DNHD1: variants seen among roughly 807,000 people sequenced by gnomAD.
DNHD1 encodes the protein dynein heavy chain domain 1, also known as dynein heavy chain domain-containing protein 1.
In DNHD1, 383 loss-of-function variants were observed where a neutral mutation model predicts 458.1. That is an observed-to-expected ratio of 0.84 (90% CI 0.77 to 0.91). DNHD1 has a LOEUF of 0.91. Among genes scored for constraint, DNHD1 ranks in the 40% least tolerant of loss-of-function variants. The probability of loss-of-function intolerance (pLI) is 0.00; values close to 1 mark genes in which losing one functional copy is unlikely to be tolerated. For synonymous variants in DNHD1, 2,203 were observed against 2,376.9 expected (o/e 0.93, Z 2.13); for missense variants, 5,336 against 5,866.1 (o/e 0.91, Z 2.95).
In DNHD1 at chr11:6,563,023, C is replaced by G; in HGVS notation, c.9561C>G (p.Leu3187=). The G allele has an allele frequency of 1.3e-6, 2 of 1,551,692 alleles. No homozygotes were observed. Among genetic ancestry groups the G allele is most frequent in the East Asian group, 2.4e-5 (1 of 40,918 alleles). ...MFQQQLEQSK[L]LYKQQLEECR... ...AGCAGCAGCTAGAGCAAAGCAAGCT[C>G]CTATACAAGCAGCAGCTGGAAGAGT... The change falls in exon 29 of 43, where the codon CTC becomes CTG. Residue 3187 remains leucine, a synonymous_variant. Coordinates refer to ENST00000254579, the MANE Select transcript of DNHD1 (RefSeq NM_144666.3).
intron 24 of DNHD1, among the ~76,000 whole-genome samples, chr11:6,556,052 C>G (rs1853456035): frequency 6.6e-6 from 1 of 152,160 alleles, no homozygotes; most frequent in African/African-American, 2.4e-5. Context: ...GCGATCAGGG[C>G]TCACTCAAGC....
chr11:6,545,468 G>A lies in DNHD1; in HGVS notation c.4529G>A (p.Cys1510Tyr), dbSNP rs1402170581. 3.9e-6 allele frequency: 6 copies of A among 1,551,772 alleles called. No individual in the cohort carries two copies. Among genetic ancestry groups the A allele is most frequent in the African/African-American group, 2.7e-5 (2 of 73,078 alleles). Residue 1510 changes from cysteine to tyrosine, a missense_variant, in exon 21 of 43, where the codon TGT becomes TAT. Coordinates refer to ENST00000254579, the MANE Select transcript of DNHD1 (RefSeq NM_144666.3). The surrounding 1 kb of genome is among the most constrained non-coding windows in gnomAD (Gnocchi z 4.9). ...IDLVQAFPWQ[C>Y]VLVAEEVVWR... Reference sequence around the variant, plus strand: ...TTAGTCCAGGCCTTCCCATGGCAGTGTGTGCTGGTGGCAGAGGAGGTGGTA... The same window carrying A: ...TTAGTCCAGGCCTTCCCATGGCAGTATGTGCTGGTGGCAGAGGAGGTGGTA...
intron 4 of DNHD1, among the ~76,000 whole-genome samples, chr11:6,507,602 C>T (rs574399584): frequency 6.6e-6 from 1 of 152,180 alleles, no homozygotes; most frequent in South Asian, 2.1e-4. Context: ...CCTGGCCCTA[C>T]ACAGAAACAG....
chr11:6,556,941 G>A lies in DNHD1; in HGVS notation c.7646G>A (p.Arg2549His), dbSNP rs563629513. Reference protein sequence around the residue: ...HVPIIQAWLERFPSVERERAL... With the variant: ...HVPIIQAWLEHFPSVERERAL... ...CCTATCATTCAGGCTTGGCTTGAGCGTTTCCCTTCTGTGGAACGGGAGCGT... is the reference window on the plus strand; with the variant it reads ...CCTATCATTCAGGCTTGGCTTGAGCATTTCCCTTCTGTGGAACGGGAGCGT... Residue 2549 changes from arginine (R) to histidine (H), a missense_variant, in exon 25 of 43, where the codon CGT becomes CAT. By Grantham distance (29) the Arg-to-His change is conservative. Transcript: ENST00000254579. 346 of 1,551,706 alleles carry A rather than the reference G, an allele frequency of 2.2e-4. No homozygotes were observed. The highest frequency in any genetic ancestry group is 2.0e-3 in the Admixed American group (100 of 51,006).
chr11:6,569,911 C>G (rs1390475412), intron 39 of DNHD1, 98 bp from the exon 40 acceptor site: 7 of 1,005,606 alleles, frequency 7.0e-6, no homozygotes, highest in African/African-American at 4.8e-5. Flanking sequence ...GGCAATGAAC[C>G]CGAAGCTCAG....
Position 6,565,387 on chromosome 11 carries a change from A to G in DNHD1, c.10757-308A>G, listed in dbSNP as rs75326657. 1.1e-4 allele frequency among the ~76,000 whole-genome samples: 17 copies of G among 152,366 alleles called. No homozygotes were observed. The East Asian group carries it at 2.9e-3, about 26-fold the overall frequency. The stretch of plus-strand genomic sequence containing the variant: ...GGCTATGTGAAGACAGAGGATGAAT[A>G]GGATCCCTCCCTGGAATTTTAGAGT... On this transcript the variant is annotated intron_variant, in intron 32 of 42. Transcript: ENST00000254579.
chr11:6,532,570 C>T (rs1852848036), intron 12 of DNHD1, among the ~76,000 whole-genome samples: 1 of 152,200 alleles, frequency 6.6e-6, no homozygotes. Context: ...CATTTCCATA[C>T]TGTTGCACAC....
In DNHD1 at chr11:6,570,074, C is replaced by T. The variant is rs201140644; in HGVS notation, c.12929C>T (p.Pro4310Leu). 9.3e-6 allele frequency: 15 copies of T among 1,613,940 alleles called. No individual in the cohort carries two copies. Among genetic ancestry groups the T allele is most frequent in the African/African-American group, 2.7e-5 (2 of 75,016 alleles). Residue 4310 changes from proline to leucine, a missense_variant, in exon 40 of 43, where the codon CCC (proline) becomes CTC (leucine). Around this residue, in one of 4 missense-constraint regions of DNHD1, gnomAD observed 698 missense variants for 664.9 expected, o/e 1.05. Coordinates refer to ENST00000254579, the MANE Select transcript of DNHD1 (RefSeq NM_144666.3). ...QDQLWASLSN[P>L]RAAMQELAAS... ...CAGCTGTGGGCAAGTCTTAGCAATCCCCGTGCTGCCATGCAAGAGCTGGCT... is the reference window on the plus strand; with the variant it reads ...CAGCTGTGGGCAAGTCTTAGCAATCTCCGTGCTGCCATGCAAGAGCTGGCT...
At chr11:6,520,554 C>G (rs1177952003) in intron 10 of DNHD1, 5 of 1,290,672 alleles carry the variant, frequency 3.9e-6, no homozygotes, top group African/African-American at 1.5e-5. Flanking sequence ...TCCTTCCAAA[C>G]CTGATTCATC....
At chr11:6,516,008 G>C (rs1292426669) in intron 7 of DNHD1, among the ~76,000 whole-genome samples, 3 of 151,540 alleles carry the variant, frequency 2.0e-5, no homozygotes, top group Middle Eastern at 3.4e-3. Context: ...GGCTGGTCTC[G>C]AACTCCAAGC....
chr11:6,545,493 A>G lies in DNHD1; in HGVS notation c.4554A>G (p.Val1518=). ...GTGTGCTGGTGGCAGAGGAGGTGGT[A>G]TGGCGGGCCGAGATGGAGGAGGCTC... ...WQCVLVAEEV[V]WRAEMEEALL... The change falls in exon 21 of 43, where the codon GTA becomes GTG. Residue 1518 remains valine (V), a synonymous_variant. Transcript: ENST00000254579. The surrounding 1 kb of genome is among the most constrained non-coding windows in gnomAD (Gnocchi z 4.9). 1 of 1,551,676 alleles carries G rather than the reference A, an allele frequency of 6.4e-7. No homozygotes were observed. The highest frequency in any genetic ancestry group is 8.7e-7 in the Non-Finnish European group (1 of 1,146,980).
chr11:6,540,180 C>A, intron 18 of DNHD1, 97 bp downstream of exon 18: 1 of 1,103,130 alleles, frequency 9.1e-7, no homozygotes, highest in Non-Finnish European at 1.3e-6. Context: ...ATTCTCTAGC[C>A]AGGGCCCCAT....
At chr11:6,563,224 A>G in intron 29 of DNHD1, 93 bp downstream of exon 29, 1 of 1,536,854 alleles carries the variant, frequency 6.5e-7, no homozygotes, top group South Asian at 1.2e-5. Context: ...GGAGTGACTC[A>G]TCATGGAATC....
chr11:6,515,372 A>G (rs1377320280), intron 7 of DNHD1, among the ~76,000 whole-genome samples: 3 of 152,188 alleles, frequency 2.0e-5, no homozygotes, highest in Non-Finnish European at 4.4e-5. Flanking sequence ...CTTTATTACT[A>G]TATTTTTTCG....
At chr11:6,533,441 A>T (rs749702177) in intron 13 of DNHD1, among the ~76,000 whole-genome samples, 7 of 152,222 alleles carry the variant, frequency 4.6e-5, no homozygotes, top group African/African-American at 1.4e-4. Context: ...TTGCCTTGTC[A>T]TCAAGGTAAT....
chr11:6,566,307 A>C lies in DNHD1; in HGVS notation c.11120A>C (p.Gln3707Pro). ...LGCEELQWLL[Q>P]REQLSPPQVQ... ...TGCGAAGAACTGCAATGGCTGCTGCAACGGGAGCAGCTGAGTCCACCCCAG... is the reference window on the plus strand; with the variant it reads ...TGCGAAGAACTGCAATGGCTGCTGCCACGGGAGCAGCTGAGTCCACCCCAG... The change falls in exon 34 of 43, where the codon CAA (glutamine) becomes CCA (proline). Residue 3707 changes from glutamine to proline, a missense_variant. Gln to Pro is a moderately conservative substitution (Grantham distance 76). Around this residue, in one of 4 missense-constraint regions of DNHD1, gnomAD observed 695 missense variants for 804.2 expected, o/e 0.86. Coordinates refer to ENST00000254579, the MANE Select transcript of DNHD1 (RefSeq NM_144666.3). The C allele has an allele frequency of 1.9e-6, 3 of 1,551,982 alleles. No homozygotes were observed. In the South Asian group the frequency reaches 3.6e-5, roughly 18 times the overall value.
In DNHD1 at chr11:6,521,600, G is replaced by A. The variant is rs573171256; in HGVS notation, c.1837+1311G>A. On this transcript the variant is annotated intron_variant, in intron 10 of 42. Transcript: ENST00000254579. ...GCAATGTGACAAAATGTTAATAATT[G>A]TTGAATCTAAGTAGATGGATAAGGG... Among the ~76,000 whole-genome samples, 4 of 152,258 alleles carry A rather than the reference G, an allele frequency of 2.6e-5. 1 individual carries two copies. The highest frequency in any genetic ancestry group is 9.6e-5 in the African/African-American group (4 of 41,540).
intron 4 of DNHD1, among the ~76,000 whole-genome samples, chr11:6,504,899 G>C (rs968666617): frequency 1.3e-5 from 2 of 152,114 alleles, no homozygotes; most frequent in Non-Finnish European, 2.9e-5. Context: ...GGCTTGAACA[G>C]AGCTTGCTGT....
Position 6,559,005 on chromosome 11 carries a change from T to C in DNHD1, c.9315T>C (p.Pro3105=). ...CCCACTACCATGAGCACCTGTGCCC[T>C]GCATTGCCACTCGTCACCCCCAAGA... ...SATHYHEHLC[P]ALPLVTPKTF... is the part of the protein sequence containing the mutation. Residue 3105 remains proline, a synonymous_variant, in exon 27 of 43, where the codon CCT becomes CCC. Coordinates refer to ENST00000254579, the MANE Select transcript of DNHD1 (RefSeq NM_144666.3). 6.4e-7 allele frequency: 1 copy of C among 1,551,740 alleles called. No homozygotes were observed. Among genetic ancestry groups the C allele is most frequent in the Non-Finnish European group, 8.7e-7 (1 of 1,146,992 alleles).
Sources: allele counts gnomAD v4.1 joint callset (sites outside exome capture counted in the v4.1 genomes callset), GRCh38; gene constraint gnomAD v4.1.1; regional missense constraint gnomAD v4.1.1; non-coding constraint Gnocchi (gnomAD v3.1); transcripts MANE v1.5; gene names NCBI Gene and HGNC (gene_info 2026-07-23, HGNC 2026-07-21).